Variants in UNC5C observed in about 807,000 individuals in gnomAD.
UNC5C encodes unc-5 netrin receptor C.
Under a neutral mutation model 99.8 loss-of-function variants are expected in UNC5C, and 47 were observed. The observed-to-expected ratio is 0.47, with a 90% CI of 0.37 to 0.60. The LOEUF is 0.60. UNC5C is among the 20% of genes least tolerant of loss of function. The pLI is 0.00. For synonymous variants in UNC5C, 487 were observed against 452.2 expected (o/e 1.08, Z -0.98); for missense variants, 1,062 against 1,165.9 (o/e 0.91, Z 1.30).
intron 1 of UNC5C, among the ~76,000 whole-genome samples, chr4:95,480,177 A>T (rs1721091452): frequency 1.3e-5 from 2 of 151,548 alleles, no homozygotes; most frequent in South Asian, 4.2e-4. Context: ...AAATAAATAA[A>T]TGTGTGTATG....
chr4:95,493,269 A>G (rs1221892594), intron 1 of UNC5C, among the ~76,000 whole-genome samples: 1 of 151,424 alleles, frequency 6.6e-6, no homozygotes, highest in Non-Finnish European at 1.5e-5. Context: ...GTTATAAGGA[A>G]TTCCAGGCCA....
chr4:95,533,788 C>T (rs920686003), intron 1 of UNC5C, among the ~76,000 whole-genome samples: 6 of 152,202 alleles, frequency 3.9e-5, no homozygotes, highest in East Asian at 1.9e-4. Context: ...TTTTGAGAGG[C>T]GTGTTTTTAT....
chr4:95,331,676 C>G (rs1381038406), intron 2 of UNC5C, among the ~76,000 whole-genome samples: 1 of 152,004 alleles, frequency 6.6e-6, no homozygotes. Flanking sequence ...TTTTAGTTTA[C>G]AGTTAATTTA....
intron 7 of UNC5C, among the ~76,000 whole-genome samples, chr4:95,226,854 G>C (rs1271303097): frequency 6.6e-6 from 1 of 152,104 alleles, no homozygotes; most frequent in South Asian, 2.1e-4. Flanking sequence ...GGATTAGGTG[G>C]TTGTTTTTTG....
chr4:95,461,976 A>G (rs2149471328), intron 1 of UNC5C, among the ~76,000 whole-genome samples: 1 of 151,956 alleles, frequency 6.6e-6, no homozygotes, highest in Non-Finnish European at 1.5e-5. Context: ...GGAACTATTT[A>G]TTGACTTTTT....
intron 1 of UNC5C, among the ~76,000 whole-genome samples, chr4:95,370,917 T>C (rs1204671138): frequency 1.3e-5 from 2 of 152,188 alleles, no homozygotes; most frequent in East Asian, 3.9e-4. Context: ...AAGCGGTCTG[T>C]AGAGGGAAAG....
At chr4:95,475,168 A>C (rs907203427) in intron 1 of UNC5C, among the ~76,000 whole-genome samples, 4 of 151,960 alleles carry the variant, frequency 2.6e-5, no homozygotes, top group African/African-American at 9.7e-5. Flanking sequence ...CCAATGATGA[A>C]GGGATAATCT....
chr4:95,446,524 G>A (rs946846010), intron 1 of UNC5C, among the ~76,000 whole-genome samples: 8 of 152,138 alleles, frequency 5.3e-5, no homozygotes, highest in African/African-American at 1.9e-4. Flanking sequence ...GACAATGGGA[G>A]CAAGGGTAGG....
rs1350718481 is a variant in UNC5C at position 95,164,327 on chromosome 4, G to A, written c.*4907C>T. The A allele has an allele frequency of 2.0e-5, 3 of 152,110 alleles. No individual in the cohort carries two copies. The highest frequency in any genetic ancestry group is 7.2e-5 in the African/African-American group (3 of 41,418). The allele number at this position is 152,110 out of a possible 1,614,324, so 9.4% of individuals were successfully genotyped here. ...TTACAATATATTTATTCCCCCTTAT[G>A]CCTTATTCCATTAAAAAGAAATAAT... On this transcript the variant is annotated 3_prime_UTR_variant, in exon 16 of 16. Coordinates refer to ENST00000453304, the MANE Select transcript of UNC5C (RefSeq NM_003728.4).
intron 2 of UNC5C, among the ~76,000 whole-genome samples, chr4:95,306,359 T>C (rs1250590709): frequency 6.6e-6 from 1 of 151,978 alleles, no homozygotes; most frequent in Non-Finnish European, 1.5e-5. Flanking sequence ...CCTGCCACCA[T>C]GCCTGGCTAA....
At chr4:95,341,188 C>T (rs543794955) in intron 1 of UNC5C, among the ~76,000 whole-genome samples, 18 of 150,716 alleles carry the variant, frequency 1.2e-4, no homozygotes, top group African/African-American at 3.7e-4. Context: ...TACATATGTA[C>T]GAAGATGTCC....
intron 1 of UNC5C, among the ~76,000 whole-genome samples, chr4:95,397,082 C>T (rs770194757): frequency 3.3e-5 from 5 of 152,104 alleles, no homozygotes; most frequent in Non-Finnish European, 7.4e-5. Context: ...GGTGGGCAGT[C>T]TTGTGTGTAT....
chr4:95,424,508 TTTTTC>T (rs1466919274), intron 1 of UNC5C, among the ~76,000 whole-genome samples: 8 of 145,074 alleles, frequency 5.5e-5, no homozygotes, highest in African/African-American at 1.3e-4. Context: ...CAGAATTTTT[TTTTTC>T]TTTTCTTTTT....
intron 4 of UNC5C, among the ~76,000 whole-genome samples, chr4:95,259,565 T>C (rs1444408030): frequency 6.6e-6 from 1 of 152,216 alleles, no homozygotes; most frequent in Non-Finnish European, 1.5e-5. Flanking sequence ...ATATTGTTTG[T>C]ATGCTAACCC....
chr4:95,252,522 A>G (rs1739785065), intron 4 of UNC5C, among the ~76,000 whole-genome samples: 1 of 152,164 alleles, frequency 6.6e-6, no homozygotes, highest in Non-Finnish European at 1.5e-5. Flanking sequence ...TGGGTGCAGA[A>G]ATATGACTTC....
chr4:95,315,604 T>C (rs544288925), intron 2 of UNC5C, among the ~76,000 whole-genome samples: 25 of 152,286 alleles, frequency 1.6e-4, no homozygotes, highest in African/African-American at 5.5e-4. Context: ...AAAGGACACA[T>C]ACTTTTGTGG....
chr4:95,423,263 G>A (rs983821366), intron 1 of UNC5C, among the ~76,000 whole-genome samples: 1 of 152,126 alleles, frequency 6.6e-6, no homozygotes, highest in African/African-American at 2.4e-5. Flanking sequence ...GGACCTCTGT[G>A]GCATTAAAGA....
At chr4:95,236,695 A>T (rs547560348) in intron 7 of UNC5C, among the ~76,000 whole-genome samples, 1 of 152,304 alleles carries the variant, frequency 6.6e-6, no homozygotes, top group Non-Finnish European at 1.5e-5. Context: ...TTCATCTTTT[A>T]CTAAGCATAC....
intron 1 of UNC5C, among the ~76,000 whole-genome samples, chr4:95,441,062 C>G (rs1746937382): frequency 6.6e-6 from 1 of 152,104 alleles, no homozygotes; most frequent in South Asian, 2.1e-4. Context: ...GAAATAGAGT[C>G]TATATACTAT....
Sources: allele counts gnomAD v4.1 joint callset (sites outside exome capture counted in the v4.1 genomes callset), GRCh38; gene constraint gnomAD v4.1.1; transcripts MANE v1.5; gene names NCBI Gene and HGNC (gene_info 2026-07-23, HGNC 2026-07-21).